Variants in PPP1R13B observed in about 807,000 individuals in gnomAD.
PPP1R13B encodes the protein protein phosphatase 1 regulatory subunit 13B.
A neutral mutation model predicts 119.8 loss-of-function variants in PPP1R13B; 44 were observed. The ratio of observed to expected loss-of-function variants is 0.37; its 90% CI spans 0.29 to 0.47. The LOEUF is 0.47. Among genes scored for constraint, PPP1R13B ranks in the 20% least tolerant of loss-of-function variants. The probability of loss-of-function intolerance (pLI) is 0.99; values close to 1 mark genes in which losing one functional copy is unlikely to be tolerated. For synonymous variants in PPP1R13B, 542 were observed against 561.5 expected, an observed-to-expected ratio of 0.97 and a Z score of 0.49; for missense variants, 1,227 against 1,413.5, an observed-to-expected ratio of 0.87 and a Z score of 2.12.
chr14:103,734,449 A>G lies in PPP1R13B; in HGVS notation c.*705T>C, dbSNP rs1252658372. 7 of 449,162 alleles carry G rather than the reference A, an allele frequency of 1.6e-5. No individual in the cohort carries two copies. The highest frequency in any genetic ancestry group is 3.1e-5 in the South Asian group (2 of 64,036). 27.8% of individuals were successfully genotyped at this position (449,162 alleles called of 1,614,324 possible). A position where few individuals can be genotyped will look rare whatever the true frequency, so the allele number is the denominator to read the frequency against. On this transcript the variant is annotated 3_prime_UTR_variant, in exon 17 of 17. Transcript: ENST00000202556. ...GCATGACAGGCTGTGAGATCGGAGG[A>G]GAAGAGTATATGCTGAGGCTCTCCC...
At chr14:103,786,305 G>T (rs1446112341) in intron 2 of PPP1R13B, among the ~76,000 whole-genome samples, 5 of 152,168 alleles carry the variant, frequency 3.3e-5, no homozygotes. Context: ...GCCTCCCAAA[G>T]TGCTGGGATT....
At chr14:103,777,958 CT>C (rs34091327) in intron 4 of PPP1R13B, among the ~76,000 whole-genome samples, 2,026 of 144,358 alleles carry the variant, frequency 0.014, 45 homozygotes, top group African/African-American at 0.046. Flanking sequence ...CCACATCTGA[CT>C]TTTTTTTTTT....
chr14:103,797,951 C>T (rs2085798603), intron 1 of PPP1R13B, among the ~76,000 whole-genome samples: 1 of 151,836 alleles, frequency 6.6e-6, no homozygotes, highest in Non-Finnish European at 1.5e-5. Context: ...TGGTTTCATA[C>T]CATATATCGT....
chr14:103,848,619 T>C, upstream of PPP1R13B: 1 of 516,270 alleles, frequency 1.9e-6, no homozygotes, highest in Non-Finnish European at 2.5e-6. Context: ...TAAGCCGCCC[T>C]GGGAAGCGCC....
rs376403203 is a variant in PPP1R13B at position 103,740,019 on chromosome 14, G to C, written c.2397C>G (p.Pro799=). ...SDANDNELPS[P]EPEELICPQT... is the part of the protein sequence containing the mutation. ...GGGGACAGATGAGCTCCTCTGGTTC[G>C]GGGGAAGGTAACTCATTATCATTGG... Residue 799 remains proline (P), a synonymous_variant, in exon 12 of 17, where the codon CCC becomes CCG. Transcript: ENST00000202556. This position sits in a 1 kb window ranked among gnomAD's most constrained non-coding sequence, Gnocchi z 4.6. 6.2e-7 allele frequency: 1 copy of C among 1,614,050 alleles called. No homozygotes were observed. The highest frequency in any genetic ancestry group is 1.7e-5 in the Admixed American group (1 of 60,020).
Position 103,734,845 on chromosome 14 carries a change from C to T in PPP1R13B, c.*309G>A. The T allele has an allele frequency of 2.1e-6, 1 of 484,872 alleles. No homozygotes were observed. The allele number at this position is 484,872 out of a possible 1,614,324, so 30.0% of individuals were successfully genotyped here. On this transcript the variant is annotated 3_prime_UTR_variant, in exon 17 of 17. Transcript: ENST00000202556. ...CAGTAAGAGCTTCTGTCTTCACTGG[C>T]AACCAACCGGGGGTTATGGGACTTC...
intron 1 of PPP1R13B, among the ~76,000 whole-genome samples, chr14:103,845,481 AAC>A (rs1252098274): frequency 1.3e-5 from 2 of 152,196 alleles, no homozygotes; most frequent in Admixed American, 1.3e-4. Flanking sequence ...TTTTTTAAAA[AAC>A]AGTATTTTAT....
chr14:103,804,271 C>T lies in PPP1R13B; in HGVS notation c.10-6753G>A, dbSNP rs148375464. 2.6e-5 allele frequency among the ~76,000 whole-genome samples: 4 copies of T among 152,270 alleles called. No homozygotes were observed. In the East Asian group the frequency reaches 5.8e-4, roughly 22 times the overall value. On this transcript the variant is annotated intron_variant, in intron 1 of 16. Transcript: ENST00000202556. ...GTCATCTTACCCTTGCTTTCAGGAA[C>T]ATCTGAACTAAGAAAATCAACTGAA...
upstream of PPP1R13B, among the ~76,000 whole-genome samples, chr14:103,848,050 G>T (rs967516454): frequency 1.3e-5 from 2 of 151,870 alleles, no homozygotes; most frequent in East Asian, 1.9e-4. Flanking sequence ...CCAGAGGCCA[G>T]TGGGAGGGGC....
At chr14:103,790,780 G>C (rs528143733) in intron 2 of PPP1R13B, among the ~76,000 whole-genome samples, 1 of 152,146 alleles carries the variant, frequency 6.6e-6, no homozygotes, top group Admixed American at 6.5e-5. Flanking sequence ...CAAGGCAAGC[G>C]GATCACTTGA....
At chr14:103,757,957 C>G (rs1024146168) in intron 4 of PPP1R13B, among the ~76,000 whole-genome samples, 3 of 152,146 alleles carry the variant, frequency 2.0e-5, no homozygotes, top group African/African-American at 7.2e-5. Context: ...GCATAAACAT[C>G]AGATACCGTA....
chr14:103,738,922 T>C lies in PPP1R13B; in HGVS notation c.2694A>G (p.Glu898=), dbSNP rs1327686047. 3 of 1,614,086 alleles carry C rather than the reference T, an allele frequency of 1.9e-6. No individual in the cohort carries two copies. In the South Asian group the frequency reaches 3.3e-5, roughly 18 times the overall value. Residue 898 remains glutamate (E), a synonymous_variant, in exon 13 of 17, where the codon GAA becomes GAG. Transcript: ENST00000202556. The surrounding 1 kb of genome is among the most constrained non-coding windows in gnomAD (Gnocchi z 5.6). ...PLALLLDASL[E]GEFDLVQRII... Reference sequence around the variant, plus strand: ...TCCTCTGCACCAGATCGAACTCTCCTTCCAGAGACGCGTCTAGGAGCAGTG... The same window carrying C: ...TCCTCTGCACCAGATCGAACTCTCCCTCCAGAGACGCGTCTAGGAGCAGTG...
At chr14:103,769,388 G>A (rs56178734) in intron 4 of PPP1R13B, among the ~76,000 whole-genome samples, 3,342 of 152,024 alleles carry the variant, frequency 0.022, 114 homozygotes, top group African/African-American at 0.076. Flanking sequence ...ACTGTGCTTG[G>A]CCTACACTGA....
Position 103,847,553 on chromosome 14 carries a change from C to CCTCAGG in PPP1R13B, c.-247_-246insCCTGAG. ...GCCGCCGCCTCAACCTCAGCCTCAG[C>CCTCAGG]CTCAGCCCCAGCCCGACAGCCTGCG... is the stretch of plus-strand genomic sequence containing the variant. On this transcript the variant is annotated 5_prime_UTR_variant, in exon 1 of 17. Coordinates refer to ENST00000202556, the MANE Select transcript of PPP1R13B (RefSeq NM_015316.3). 1.0e-6 allele frequency: 1 copy of CCTCAGG among 986,782 alleles called. No homozygotes were observed. Among genetic ancestry groups the CCTCAGG allele is most frequent in the Non-Finnish European group, 1.2e-6 (1 of 831,498 alleles). The allele number at this position is 986,782 out of a possible 1,614,324, so 61.1% of individuals were successfully genotyped here.
At position 103,737,690 on chromosome 14, in the gene PPP1R13B, G is replaced by GT; in HGVS notation, c.3031+3dup. ...CACTGTGGCCCCAGGCCTCCCCTGC[G>GT]TACCATATAGAAACTGGGAGCACTG... On this transcript the variant is annotated splice_donor_region_variant and intron_variant, in intron 15 of 16. Transcript: ENST00000202556. 2 of 1,613,860 alleles carry GT rather than the reference G, an allele frequency of 1.2e-6. No homozygotes were observed. Among genetic ancestry groups the GT allele is most frequent in the Non-Finnish European group, 1.7e-6 (2 of 1,179,834 alleles).
chr14:103,757,689 C>T lies in PPP1R13B; in HGVS notation c.417G>A (p.Gln139=), dbSNP rs758776757. 7.1e-5 allele frequency: 114 copies of T among 1,613,948 alleles called. No individual in the cohort carries two copies. The highest frequency in any genetic ancestry group is 2.0e-5 in the Non-Finnish European group (24 of 1,179,982). Residue 139 remains glutamine, a synonymous_variant, in exon 5 of 17, where the codon CAG becomes CAA. Transcript: ENST00000202556. Reference sequence around the variant, plus strand: ...TCTGCTGCTGATTTTCAATCTGCTGCTGTTGCCTAGCTGCCATATCTTGGA... The same window carrying T: ...TCTGCTGCTGATTTTCAATCTGCTGTTGTTGCCTAGCTGCCATATCTTGGA... ...SELQDMAARQ[Q]QQIENQQQML...
chr14:103,814,940 G>A (rs769149455), intron 1 of PPP1R13B, among the ~76,000 whole-genome samples: 13 of 145,366 alleles, frequency 8.9e-5, no homozygotes, highest in Middle Eastern at 3.4e-3. Flanking sequence ...GCAAGACTCC[G>A]TCTCACAAAA....
rs2084055345 is a variant in PPP1R13B, at chr14:103,734,924, G to A, written c.*230C>T. ...AAGTGGGTATTTATTTGGATTTATA[G>A]TAATTGGCAAAATTCAGTCCTTGGA... On this transcript the variant is annotated 3_prime_UTR_variant, in exon 17 of 17. Transcript: ENST00000202556. The A allele has an allele frequency of 1.5e-6, 1 of 670,140 alleles. No individual in the cohort carries two copies. The highest frequency in any genetic ancestry group is 2.7e-6 in the Non-Finnish European group (1 of 365,838). 41.5% of individuals were successfully genotyped at this position (670,140 alleles called of 1,614,324 possible). A position where few individuals can be genotyped will look rare whatever the true frequency, so the allele number is the denominator to read the frequency against.
chr14:103,762,855 GA>G, intron 4 of PPP1R13B: 17 of 1,031,550 alleles, frequency 1.6e-5, no homozygotes, highest in East Asian at 5.1e-5. Context: ...GGGAAGAGTG[GA>G]AAAAGTTCAA....
Sources: allele counts gnomAD v4.1 joint callset (sites outside exome capture counted in the v4.1 genomes callset), GRCh38; gene constraint gnomAD v4.1.1; non-coding constraint Gnocchi (gnomAD v3.1); transcripts MANE v1.5; gene names NCBI Gene and HGNC (gene_info 2026-07-23, HGNC 2026-07-21).